The following TBX5 variants were observed in gnomAD, a reference collection of about 807,000 sequenced individuals.
TBX5 encodes T-box transcription factor TBX5.
TBX5 carries 8 observed loss-of-function variants against 51.1 expected under a neutral mutation model. The ratio of observed to expected loss-of-function variants is 0.16; its 90% confidence interval spans 0.09 to 0.28. TBX5 has a LOEUF of 0.28. Among genes scored for constraint, TBX5 ranks in the 10% least tolerant of loss-of-function variants. The pLI is 1.00. For missense variants in TBX5, 589 were observed against 671.7 expected, an observed-to-expected ratio of 0.88 and a Z score of 1.36; for synonymous variants, 302 against 266.4, an observed-to-expected ratio of 1.13 and a Z score of -1.30.
chr12:114,384,523 C>G (rs1367851072), intron 7 of TBX5, among the ~76,000 whole-genome samples: 2 of 152,112 alleles, frequency 1.3e-5, no homozygotes, highest in Non-Finnish European at 2.9e-5. Flanking sequence ...ATTTCTAAAC[C>G]TAATATTAAA....
At chr12:114,383,779 AC>A (rs1038082056) in intron 7 of TBX5, among the ~76,000 whole-genome samples, 4 of 152,102 alleles carry the variant, frequency 2.6e-5, no homozygotes, top group African/African-American at 9.7e-5. Flanking sequence ...TCTATTATTC[AC>A]CCCCTGCCCT....
chr12:114,370,742 T>A (rs200559176), intron 7 of TBX5, among the ~76,000 whole-genome samples: 5 of 14,990 alleles, frequency 3.3e-4, no homozygotes, highest in African/African-American at 1.4e-3. Flanking sequence ...TCATTTAACC[T>A]TTTTTTTTCC....
intron 8 of TBX5, among the ~76,000 whole-genome samples, chr12:114,358,652 T>C (rs939549289): frequency 4.8e-5 from 7 of 146,966 alleles, no homozygotes; most frequent in Non-Finnish European, 3.0e-5. Context: ...GTACCAAAAA[T>C]AAAAAAAAAA....
chr12:114,381,380 T>A (rs1424740463), intron 7 of TBX5, among the ~76,000 whole-genome samples: 1 of 152,178 alleles, frequency 6.6e-6, no homozygotes, highest in Non-Finnish European at 1.5e-5. Context: ...CTGCCGTTCC[T>A]GCCTGGCTGT....
At chr12:114,368,104 A>T (rs1869652927) in intron 7 of TBX5, among the ~76,000 whole-genome samples, 1 of 152,236 alleles carries the variant, frequency 6.6e-6, no homozygotes, top group South Asian at 2.1e-4. Flanking sequence ...TTAATCATTT[A>T]TCTAAATAAG....
chr12:114,398,563 C>G lies in TBX5; in HGVS notation c.510+10G>C, dbSNP rs1343975809. Reference sequence around the variant, plus strand: ...GAGACAAGGCGGGGAATCCAGGCCACGGTACTCACATGCCCAAATGGGTCC... The same window carrying G: ...GAGACAAGGCGGGGAATCCAGGCCAGGGTACTCACATGCCCAAATGGGTCC... On this transcript the variant is annotated intron_variant, in intron 5 of 8. Transcript: ENST00000405440. The G allele has an allele frequency of 6.2e-7, 1 of 1,611,894 alleles. No individual in the cohort carries two copies.
chr12:114,387,034 C>A (rs1401948385), intron 6 of TBX5, among the ~76,000 whole-genome samples: 2 of 147,626 alleles, frequency 1.4e-5, no homozygotes, highest in Admixed American at 6.7e-5. Flanking sequence ...TGAACCCAGG[C>A]GGCAGAGATT....
At chr12:114,361,887 G>C (rs1445179068) in intron 8 of TBX5, among the ~76,000 whole-genome samples, 1 of 152,160 alleles carries the variant, frequency 6.6e-6, no homozygotes, top group Non-Finnish European at 1.5e-5. Context: ...CCTTTTGGGG[G>C]TGGAGGGAGG....
intron 6 of TBX5, among the ~76,000 whole-genome samples, chr12:114,390,416 A>AT (rs1247839122): frequency 6.6e-6 from 1 of 152,236 alleles, no homozygotes; most frequent in African/African-American, 2.4e-5. Flanking sequence ...TCCCTTCAAA[A>AT]TCAACATAAA....
At chr12:114,359,765 A>C (rs1436307800) in intron 8 of TBX5, among the ~76,000 whole-genome samples, 2 of 152,222 alleles carry the variant, frequency 1.3e-5, no homozygotes. Context: ...TGGATGAATC[A>C]CCAGGTCATT....
At position 114,399,661 on chromosome 12, in the gene TBX5, G is replaced by C. The variant is rs1296548462; in HGVS notation, c.243-29C>G. 4 of 1,613,874 alleles carry C rather than the reference G, an allele frequency of 2.5e-6. No individual in the cohort carries two copies. The African/African-American group carries it at 4.0e-5, about 16-fold the overall frequency. ...AGAGAGAGGGACGGAGGGAGAGAGG[G>C]GGGCGGGAATTAATGCCAGTATTTT... On this transcript the variant is annotated intron_variant, in intron 3 of 8. Coordinates refer to ENST00000405440, the MANE Select transcript of TBX5 (RefSeq NM_181486.4).
upstream of TBX5, among the ~76,000 whole-genome samples, chr12:114,406,659 G>A (rs1872247055): frequency 6.6e-6 from 1 of 152,138 alleles, no homozygotes; most frequent in Non-Finnish European, 1.5e-5. Context: ...GATGGGGGCC[G>A]AGATCAAAGA....
At chr12:114,394,947 C>A (rs1871341824) in intron 5 of TBX5, 54 bp from the exon 6 acceptor site, 7 of 1,575,940 alleles carry the variant, frequency 4.4e-6, no homozygotes, top group Non-Finnish European at 5.2e-6. Flanking sequence ...CCCTTTGTCT[C>A]CAGATAAAAC....
intron 7 of TBX5, among the ~76,000 whole-genome samples, chr12:114,380,644 C>T (rs186091880): frequency 1.1e-4 from 16 of 139,698 alleles, no homozygotes; most frequent in South Asian, 2.5e-4. Flanking sequence ...TTGAAACCAA[C>T]CTGGGCAACA....
chr12:114,372,532 A>G (rs1336644158), intron 7 of TBX5, among the ~76,000 whole-genome samples: 4 of 149,728 alleles, frequency 2.7e-5, no homozygotes, highest in Admixed American at 2.7e-4. Context: ...GTTGGTTTTG[A>G]TCTGGCCTCA....
At chr12:114,398,835 A>T (rs1006186823) in intron 4 of TBX5, 115 bp from the exon 5 acceptor site, 53 of 1,302,610 alleles carry the variant, frequency 4.1e-5, no homozygotes, top group African/African-American at 3.5e-4. Context: ...GTAGCTGGGA[A>T]TAATCTGGAG....
At chr12:114,403,968 G>A (rs1872021749) in intron 1 of TBX5, 32 bp from the exon 2 acceptor site, 1 of 1,578,594 alleles carries the variant, frequency 6.3e-7, no homozygotes, top group Admixed American at 1.8e-5. Flanking sequence ...AGATGGGGGT[G>A]GGGAGGACAG....
intron 7 of TBX5, among the ~76,000 whole-genome samples, chr12:114,383,938 C>A (rs964620073): frequency 2.6e-5 from 4 of 152,132 alleles, no homozygotes; most frequent in Non-Finnish European, 4.4e-5. Context: ...AATGACTAAG[C>A]CACCTTAACG....
At chr12:114,403,424 G>T (rs1226248380) in intron 2 of TBX5, among the ~76,000 whole-genome samples, 1 of 152,236 alleles carries the variant, frequency 6.6e-6, no homozygotes. Flanking sequence ...CAGAGGGAAA[G>T]GAATTATCTA....
Sources: gnomAD v4.1 joint callset for allele counts (sites outside exome capture counted in the v4.1 genomes callset) on GRCh38, gnomAD v4.1.1 for gene constraint, MANE v1.5 for transcripts, NCBI Gene and HGNC (gene_info 2026-07-23, HGNC 2026-07-21) for gene names.